The following TENM2 variants were observed in gnomAD, a reference collection of about 807,000 sequenced individuals.
The protein encoded by TENM2 is teneurin transmembrane protein 2, also known as teneurin-2.
TENM2 carries 52 observed loss-of-function variants against 245.2 expected under a neutral mutation model. The ratio of observed to expected loss-of-function variants is 0.21; its 90% CI spans 0.17 to 0.27. The LOEUF (loss-of-function observed/expected upper bound fraction) is 0.27, where lower values mean the gene tolerates loss of function less well. Ranked by LOEUF, TENM2 falls within the 10% of genes least tolerant of loss-of-function variation. The pLI is 1.00. For missense variants in TENM2, 3,046 were observed against 3,666.8 expected, an observed-to-expected ratio of 0.83 and a Z score of 4.37; for synonymous variants, 1,363 against 1,438.9, an observed-to-expected ratio of 0.95 and a Z score of 1.19.
intron 12 of TENM2, among the ~76,000 whole-genome samples, chr5:168,160,093 A>G (rs1486781462): frequency 6.6e-6 from 1 of 152,212 alleles, no homozygotes. Flanking sequence ...AAATGTTGGT[A>G]GGTCTGTCAT....
chr5:167,719,631 T>C (rs1223447703), intron 2 of TENM2, among the ~76,000 whole-genome samples: 1 of 152,230 alleles, frequency 6.6e-6, no homozygotes, highest in African/African-American at 2.4e-5. Flanking sequence ...AAAATCTAAA[T>C]AACCAGAATA....
chr5:167,406,491 T>G (rs1762645825), intron 2 of TENM2, among the ~76,000 whole-genome samples: 2 of 152,172 alleles, frequency 1.3e-5, no homozygotes, highest in Admixed American at 6.5e-5. Flanking sequence ...TGAATGTATA[T>G]CAGCAGAAAA....
At chr5:167,833,014 G>T (rs1269225504) in intron 2 of TENM2, among the ~76,000 whole-genome samples, 1 of 152,058 alleles carries the variant, frequency 6.6e-6, no homozygotes, top group Non-Finnish European at 1.5e-5. Context: ...TCTAGAAAGA[G>T]GGTTTAGTAC....
chr5:167,012,008 G>C, the TENM2 span, among the ~76,000 whole-genome samples: 1 of 152,056 alleles, frequency 6.6e-6, no homozygotes, highest in Non-Finnish European at 1.5e-5. Flanking sequence ...CTACATTGCT[G>C]TCAGGATTCT....
In TENM2 at chr5:167,475,515, A is replaced by T. The variant is rs561559235; in HGVS notation, c.502+100042A>T. Among the ~76,000 whole-genome samples the T allele has an allele frequency of 1.8e-4, 27 of 152,266 alleles. No individual in the cohort carries two copies. In the South Asian group the frequency reaches 5.2e-3, roughly 29 times the overall value. ...GTTTTTACTTTAAGTTCTGGGATAC[A>T]TGTGCTGAACGTGCGGGTTTGTTAC... On this transcript the variant is annotated intron_variant, in intron 2 of 28. Coordinates refer to ENST00000518659, the Ensembl canonical transcript of TENM2.
intron 27 of TENM2, among the ~76,000 whole-genome samples, chr5:168,249,593 A>C (rs146321641): frequency 6.6e-6 from 1 of 152,178 alleles, no homozygotes; most frequent in East Asian, 1.9e-4. Context: ...AGGCTGAAGG[A>C]AGGCTATGAA....
chr5:167,192,304 C>A, the TENM2 span, among the ~76,000 whole-genome samples: 1 of 151,880 alleles, frequency 6.6e-6, no homozygotes, highest in African/African-American at 2.4e-5. Context: ...TCTCGATTTA[C>A]GTGTGAAGAA....
intron 2 of TENM2, among the ~76,000 whole-genome samples, chr5:167,680,664 G>A (rs1419083146): frequency 6.6e-6 from 1 of 152,190 alleles, no homozygotes; most frequent in African/African-American, 2.4e-5. Flanking sequence ...CGGTGGCCCA[G>A]ATTAGCAGAA....
At chr5:167,932,951 G>A (rs896636448) in intron 3 of TENM2, among the ~76,000 whole-genome samples, 1 of 152,124 alleles carries the variant, frequency 6.6e-6, no homozygotes, top group Non-Finnish European at 1.5e-5. Context: ...CCTGGAAAGG[G>A]GGTTCACATC....
intron 12 of TENM2, among the ~76,000 whole-genome samples, chr5:168,131,664 TTAACCAACTTCAGACTGAGGACAGCTGC>T: frequency 6.6e-6 from 1 of 152,332 alleles, no homozygotes; most frequent in Admixed American, 6.5e-5. Flanking sequence ...ATTGTCAGAA[TTAACCAACTTCAGACTGAGGACAGCTGC>T]TTCTGAATCT....
At chr5:167,989,348 A>G (rs1017820317) in intron 4 of TENM2, among the ~76,000 whole-genome samples, 1 of 152,058 alleles carries the variant, frequency 6.6e-6, no homozygotes, top group Non-Finnish European at 1.5e-5. Flanking sequence ...GTGTTAGAAT[A>G]GATTCCCCAG....
chr5:167,852,744 T>A (rs1770699321), intron 2 of TENM2, among the ~76,000 whole-genome samples: 1 of 152,126 alleles, frequency 6.6e-6, no homozygotes, highest in African/African-American at 2.4e-5. Flanking sequence ...CTCTTTAACA[T>A]GGGATTTGAA....
At chr5:167,285,367 A>G (rs993669279) in intron 1 of TENM2, among the ~76,000 whole-genome samples, 2 of 152,200 alleles carry the variant, frequency 1.3e-5, no homozygotes, top group Non-Finnish European at 2.9e-5. Flanking sequence ...TATCTTGGTT[A>G]AAACATCTTT....
intron 3 of TENM2, among the ~76,000 whole-genome samples, chr5:167,894,988 A>C: frequency 9.4e-6 from 1 of 106,412 alleles, no homozygotes; most frequent in South Asian, 3.6e-4. Flanking sequence ...GAAGGAAGGA[A>C]GGAGGGAAGG....
intron 2 of TENM2, chr5:167,728,609 AAATAAATGAATG>A (rs1376714700): frequency 1.4e-5 from 2 of 143,914 alleles, no homozygotes; most frequent in African/African-American, 5.4e-5. Flanking sequence ...CAAAATAAAT[AAATAAATGAATG>A]AATGAATGAA....
chr5:167,924,070 T>C (rs1201243652), intron 3 of TENM2, among the ~76,000 whole-genome samples: 3 of 152,146 alleles, frequency 2.0e-5, no homozygotes, highest in Non-Finnish European at 2.9e-5. Context: ...GGTCTCCTTA[T>C]TTCTGTTTTC....
intron 2 of TENM2, among the ~76,000 whole-genome samples, chr5:167,422,738 A>G (rs972174291): frequency 6.6e-6 from 1 of 152,192 alleles, no homozygotes. Flanking sequence ...AGATACCTCC[A>G]TGAATCCCAA....
At chr5:167,876,943 G>T (rs997694431) in intron 3 of TENM2, among the ~76,000 whole-genome samples, 1 of 152,158 alleles carries the variant, frequency 6.6e-6, no homozygotes, top group African/African-American at 2.4e-5. Context: ...AATCTTGGGT[G>T]GAATTGCCCT....
intron 2 of TENM2, chr5:167,653,837 A>G (rs1261307175): frequency 6.6e-6 from 1 of 152,246 alleles, no homozygotes; most frequent in Non-Finnish European, 1.5e-5. Context: ...ACCACTGGGA[A>G]GAAGTCTTTA....
Sources: gnomAD v4.1 joint callset for allele counts (sites outside exome capture counted in the v4.1 genomes callset) on GRCh38, gnomAD v4.1.1 for gene constraint, MANE v1.5 for transcripts, NCBI Gene and HGNC (gene_info 2026-07-23, HGNC 2026-07-21) for gene names.